The following PCGF1 variants were observed in gnomAD, a reference collection of about 807,000 sequenced individuals.
PCGF1 encodes the protein polycomb group RING finger protein 1.
PCGF1 carries 10 observed loss-of-function variants against 38.8 expected under a neutral mutation model. The ratio of observed to expected loss-of-function variants is 0.26; its 90% confidence interval spans 0.16 to 0.44. The LOEUF is 0.44. Ranked by LOEUF, PCGF1 falls within the 20% of genes least tolerant of loss-of-function variation. The pLI is 1.00. For missense variants in PCGF1, 230 were observed against 331.5 expected (o/e 0.69, Z 2.38); for synonymous variants, 119 against 121.3 (o/e 0.98, Z 0.12).
intron 3 of PCGF1, chr2:74,506,493 G>T: frequency 3.3e-6 from 2 of 612,674 alleles, no homozygotes; most frequent in Non-Finnish European, 5.7e-6. Context: ...CAGGAGAATG[G>T]CATGAATCCA....
intron 1 of PCGF1, 127 bp downstream of exon 1, chr2:74,507,449 G>A: frequency 2.0e-6 from 3 of 1,474,330 alleles, no homozygotes; most frequent in Middle Eastern, 2.5e-4. Context: ...TCGCAACCAC[G>A]CAGGCGCACT....
At chr2:74,505,842 T>A (rs1674618086) in intron 5 of PCGF1, 72 bp from the exon 6 acceptor site, 1 of 1,607,586 alleles carries the variant, frequency 6.2e-7, no homozygotes, top group African/African-American at 1.3e-5. Context: ...CATGATATAC[T>A]CTCTTCAAGG....
At chr2:74,505,812 T>A in intron 5 of PCGF1, 42 bp from the exon 6 acceptor site, 1 of 1,612,952 alleles carries the variant, frequency 6.2e-7, no homozygotes, top group Middle Eastern at 1.7e-4. Context: ...CTATCTTTCC[T>A]CCTCTTCCCC....
intron 5 of PCGF1, 69 bp downstream of exon 5, chr2:74,505,883 C>G: frequency 6.2e-7 from 1 of 1,603,762 alleles, no homozygotes; most frequent in Non-Finnish European, 8.5e-7. Context: ...CTCAGCCTCT[C>G]CCCTAGACCC....
In PCGF1 at chr2:74,506,241, G is replaced by T. The variant is rs1177968467; in HGVS notation, c.364C>A (p.Arg122=). 6.2e-7 allele frequency: 1 copy of T among 1,614,050 alleles called. No individual in the cohort carries two copies. The highest frequency in any genetic ancestry group is 8.5e-7 in the Non-Finnish European group (1 of 1,180,012). ...CGGGACTGGTAGAATTCCCGAATCC[G>T]TTTCTCTTCACCTAGAAGAAGGTGA... The part of the protein sequence containing the change: ...VPGLQDSEEK[R]IREFYQSRGL... Residue 122 remains arginine (R), a synonymous_variant, in exon 4 of 9, where the codon CGG becomes AGG. Transcript: ENST00000233630.
rs1674645848 is a variant in PCGF1, at chr2:74,506,720, T to C, written c.352+12A>G. The C allele has an allele frequency of 6.2e-6, 10 of 1,613,238 alleles. No homozygotes were observed. The East Asian group carries it at 2.2e-4, about 36-fold the overall frequency. On this transcript the variant is annotated intron_variant, in intron 3 of 8. Transcript: ENST00000233630. ...CCTCAAGAGGCCCCTCAAAGTCAGG[T>C]TGGTGACTCACTGTCTTGCAAGCCA...
Position 74,505,383 on chromosome 2 carries a change from G to T in PCGF1, c.688C>A (p.His230Asn). Residue 230 changes from histidine to asparagine, a missense_variant, in exon 8 of 9, where the codon CAC (histidine) becomes AAC (asparagine). By Grantham distance (68) the His-to-Asn change is moderately conservative. Transcript: ENST00000233630. The stretch of plus-strand genomic sequence containing the variant: ...AGCCATATCTGCTTCATTGTCATGT[G>T]ATCAGGGAGAACTTCATTGTCAAAA... ...LLFDNEVLPD[H>N]MTMKQIWLSR... 6.2e-7 allele frequency: 1 copy of T among 1,610,680 alleles called. No individual in the cohort carries two copies. Among genetic ancestry groups the T allele is most frequent in the Non-Finnish European group, 8.5e-7 (1 of 1,178,308 alleles).
chr2:74,507,331 GC>G, intron 1 of PCGF1, 184 bp from the exon 2 acceptor site: 5 of 1,455,530 alleles, frequency 3.4e-6, no homozygotes, highest in Non-Finnish European at 3.6e-6. Flanking sequence ...TCCGCGCACA[GC>G]GGGGGCTTCC....
intron 5 of PCGF1, 73 bp from the exon 6 acceptor site, chr2:74,505,843 C>A (rs1312186158): frequency 1.2e-6 from 2 of 1,607,538 alleles, no homozygotes; most frequent in Non-Finnish European, 1.7e-6. Flanking sequence ...ATGATATACT[C>A]TCTTCAAGGG....
chr2:74,505,134 G>C lies in PCGF1; in HGVS notation c.*9C>G. The C allele has an allele frequency of 2.0e-6, 3 of 1,493,194 alleles. No individual in the cohort carries two copies. The highest frequency in any genetic ancestry group is 1.4e-5 in the South Asian group (1 of 70,774). 92.5% of individuals were successfully genotyped at this position (1,493,194 alleles called of 1,614,324 possible). A position where few individuals can be genotyped will look rare whatever the true frequency, so the allele number is the denominator to read the frequency against. On this transcript the variant is annotated 3_prime_UTR_variant, in exon 9 of 9. Transcript: ENST00000233630. ...GGAAGGGGAGTGGGATGGGGTGGGG[G>C]CTTGGCCCCTACCTCCTCTTCTCTT... is the stretch of plus-strand genomic sequence containing the variant.
rs1477861139 is a variant in PCGF1 at position 74,507,096 on chromosome 2, G to A, written c.145C>T (p.Leu49=). ...GCATCCACGAAGTAGCCGGCGCATA[G>A]GCAGCAAACAATGTGTTCATTCAAG... ...KDLNEHIVCC[L]CAGYFVDATT... Residue 49 remains leucine (L), a synonymous_variant, in exon 2 of 9, where the codon CTA becomes TTA. Transcript: ENST00000233630. 21 of 1,614,224 alleles carry A rather than the reference G, an allele frequency of 1.3e-5. 1 individual carries two copies. The East Asian group carries it at 4.2e-4, about 33-fold the overall frequency.
At chr2:74,507,445 C>T (rs1674667274) in intron 1 of PCGF1, 131 bp downstream of exon 1, 1 of 1,470,564 alleles carries the variant, frequency 6.8e-7, no homozygotes, top group South Asian at 1.4e-5. Flanking sequence ...CCGATCGCAA[C>T]CACGCAGGCG....
chr2:74,506,039 A>C lies in PCGF1; in HGVS notation c.443T>G (p.Leu148Arg). The C allele has an allele frequency of 6.2e-7, 1 of 1,614,166 alleles. No individual in the cohort carries two copies. Residue 148 changes from leucine to arginine, a missense_variant, in exon 5 of 9, where the codon CTC (leucine) becomes CGC (arginine). This residue lies in a region of PCGF1 where 144 missense variants were observed against 182.4 expected (regional missense o/e 0.79). Coordinates refer to ENST00000233630, the MANE Select transcript of PCGF1 (RefSeq NM_032673.3). ...GTCAAAGCTGCTGAAGGGGAGGCCG[A>C]GGTTGCTCAGTGCTGGCTCTGAGAA... ...PTGEEPALSN[L>R]GLPFSSFDHS...
At position 74,507,180 on chromosome 2, in the gene PCGF1, C is replaced by T. The variant is rs751861491; in HGVS notation, c.94-33G>A. On this transcript the variant is annotated intron_variant, in intron 1 of 8. Coordinates refer to ENST00000233630, the MANE Select transcript of PCGF1 (RefSeq NM_032673.3). ...TACACCCTCCGTCACCAATCATCCA[C>T]CCTCAAACCCCAACCCGTGCGCCTT... The T allele has an allele frequency of 4.6e-5, 73 of 1,600,288 alleles. No homozygotes were observed. The South Asian group carries it at 8.0e-4, about 18-fold the overall frequency.
At chr2:74,507,290 G>C in intron 1 of PCGF1, 143 bp from the exon 2 acceptor site, 1 of 1,471,428 alleles carries the variant, frequency 6.8e-7, no homozygotes, top group Non-Finnish European at 9.0e-7. Flanking sequence ...GCTCCTGGGG[G>C]CTGGCACTCC....
chr2:74,506,209 C>T lies in PCGF1; in HGVS notation c.396G>A (p.Leu132=). The change falls in exon 4 of 9, where the codon TTG becomes TTA. Residue 132 remains leucine (L), a synonymous_variant. Transcript: ENST00000233630. ...RIREFYQSRG[L]DRVTQPTGEE... ...CCCCAGTGGGCTGGGTGACCCGGTC[C>T]AAACCTCGGGACTGGTAGAATTCCC... is the stretch of plus-strand genomic sequence containing the variant. The T allele has an allele frequency of 4.3e-6, 7 of 1,614,218 alleles. No individual in the cohort carries two copies. Among genetic ancestry groups the T allele is most frequent in the Non-Finnish European group, 5.9e-6 (7 of 1,180,046 alleles).
rs770098587 is a variant in PCGF1 at position 74,505,378 on chromosome 2, C to A, written c.693G>T (p.Met231Ile). 1 of 1,610,858 alleles carries A rather than the reference C, an allele frequency of 6.2e-7. No homozygotes were observed. Among genetic ancestry groups the A allele is most frequent in the East Asian group, 2.2e-5 (1 of 44,818 alleles). Residue 231 changes from methionine (M) to isoleucine (I), a missense_variant, in exon 8 of 9, where the codon ATG (methionine) becomes ATT (isoleucine). Physicochemically the swap from Met to Ile is conservative, Grantham distance 10. Around this residue, in one of 3 missense-constraint regions of PCGF1, gnomAD observed 144 missense variants for 182.4 expected, o/e 0.79. Coordinates refer to ENST00000233630, the MANE Select transcript of PCGF1 (RefSeq NM_032673.3). ...LFDNEVLPDH[M>I]TMKQIWLSRW... is the part of the protein sequence containing the mutation. ...GGGAGAGCCATATCTGCTTCATTGT[C>A]ATGTGATCAGGGAGAACTTCATTGT... is the stretch of plus-strand genomic sequence containing the variant.
At chr2:74,507,399 C>T (rs1189299416) in intron 1 of PCGF1, 177 bp downstream of exon 1, 1 of 1,454,626 alleles carries the variant, frequency 6.9e-7, no homozygotes, top group African/African-American at 1.4e-5. Flanking sequence ...ACGTCGGCGA[C>T]ACAACGCGCA....
Position 74,505,161 on chromosome 2 carries a change from C to G in PCGF1, c.762G>C (p.Val254=). Residue 254 remains valine, a synonymous_variant, in exon 9 of 9, where the codon GTG becomes GTC. Coordinates refer to ENST00000233630, the MANE Select transcript of PCGF1 (RefSeq NM_032673.3). ...KPSPLLLQYS[V]KEKRR is the part of the protein sequence containing the mutation. The stretch of plus-strand genomic sequence containing the variant: ...TTGGCCCCTACCTCCTCTTCTCTTT[C>G]ACACTGTATTGTAAAAGCAAAGGGG... The G allele has an allele frequency of 1.3e-6, 2 of 1,527,256 alleles. No individual in the cohort carries two copies. The highest frequency in any genetic ancestry group is 1.8e-6 in the Non-Finnish European group (2 of 1,137,428). The allele number at this position is 1,527,256 out of a possible 1,614,324, so 94.6% of individuals were successfully genotyped here.
Sources: allele counts gnomAD v4.1 joint callset, GRCh38; gene constraint gnomAD v4.1.1; regional missense constraint gnomAD v4.1.1; transcripts MANE v1.5; gene names NCBI Gene and HGNC (gene_info 2026-07-23, HGNC 2026-07-21).